The following LIMS2 variants were observed in gnomAD, a reference collection of about 807,000 sequenced individuals.
The protein encoded by LIMS2 is LIM and senescent cell antigen-like-containing domain protein 2.
A neutral mutation model predicts 45.3 loss-of-function variants in LIMS2; 30 were observed. The ratio of observed to expected loss-of-function variants is 0.66; its 90% CI spans 0.50 to 0.90. The LOEUF is 0.90. Ranked by LOEUF, LIMS2 falls within the 40% of genes least tolerant of loss-of-function variation. LIMS2 has a pLI of 0.00. For synonymous variants in LIMS2, 173 were observed against 188.0 expected (o/e 0.92, Z 0.65); for missense variants, 485 against 468.7 (o/e 1.03, Z -0.32).
intron 1 of LIMS2, among the ~76,000 whole-genome samples, chr2:127,665,536 C>T (rs1228903753): frequency 6.6e-6 from 1 of 152,214 alleles, no homozygotes; most frequent in African/African-American, 2.4e-5. Flanking sequence ...TCCAAAGTTG[C>T]CCAACACTGA....
Position 127,668,668 on chromosome 2 carries a change from C to CAAAAAAAAAAAAAAAAAAA in LIMS2, c.11+6327_11+6345dup, listed in dbSNP as rs70985469. Among the ~76,000 whole-genome samples the CAAAAAAAAAAAAAAAAAAA allele has an allele frequency of 1.2e-4, 2 of 17,268 alleles. 1 individual carries two copies. The highest frequency in any genetic ancestry group is 3.6e-4 in the African/African-American group (2 of 5,556). 11.3% of individuals were successfully genotyped at this position (17,268 alleles called of 152,430 possible). On this transcript the variant is annotated intron_variant, in intron 1 of 9. Transcript: ENST00000355119. ...TGGGTGACAGAGTGAGACTCCGTCT[C>CAAAAAAAAAAAAAAAAAAA]AAAAAAAAAAAAAAAAAAAAAAAAA...
At chr2:127,673,101 G>T (rs562919773) in intron 1 of LIMS2, among the ~76,000 whole-genome samples, 38 of 152,348 alleles carry the variant, frequency 2.5e-4, no homozygotes, top group African/African-American at 8.9e-4. Context: ...CCTGTGTATG[G>T]AAGGCAGGGA....
intron 4 of LIMS2, chr2:127,646,677 A>G (rs933067693): frequency 2.0e-5 from 3 of 152,554 alleles, no homozygotes; most frequent in Non-Finnish European, 2.9e-5. Flanking sequence ...ACAGAGGCCT[A>G]TGACCTGTCC....
intron 4 of LIMS2, chr2:127,649,886 G>A: frequency 1.3e-6 from 1 of 775,042 alleles, no homozygotes; most frequent in Non-Finnish European, 2.1e-6. Flanking sequence ...GGTAAAATGG[G>A]TCTTCCCCTC....
At position 127,657,541 on chromosome 2, in the gene LIMS2, G is replaced by A; in HGVS notation, c.33C>T (p.Ala11=). MTGSNMSDAL[A]NAVCQRCQAR... ...CCTGGCAGCGCTGGCACACGGCGTTGGCCAAGGCGTCCGACATATTGCTGG... is the reference window on the plus strand; with the variant it reads ...CCTGGCAGCGCTGGCACACGGCGTTAGCCAAGGCGTCCGACATATTGCTGG... Residue 11 remains alanine, a synonymous_variant, in exon 2 of 10, where the codon GCC becomes GCT. Transcript: ENST00000355119. The A allele has an allele frequency of 1.2e-6, 2 of 1,606,712 alleles. No homozygotes were observed. Among genetic ancestry groups the A allele is most frequent in the Non-Finnish European group, 1.7e-6 (2 of 1,176,388 alleles).
At chr2:127,659,982 C>T (rs866063771) in intron 1 of LIMS2, among the ~76,000 whole-genome samples, 16 of 152,200 alleles carry the variant, frequency 1.1e-4, no homozygotes, top group Non-Finnish European at 4.4e-5. Flanking sequence ...TGCTTCACCA[C>T]CCTTCCTCCC....
rs76475129 is a variant in LIMS2, at chr2:127,638,619, G to A, written c.*662C>T. 2,921 of 152,912 alleles carry A rather than the reference G, an allele frequency of 0.019. 92 individuals carry two copies. Among genetic ancestry groups the A allele is most frequent in the African/African-American group, 0.063 (2,631 of 41,586 alleles). The allele number at this position is 152,912 out of a possible 1,614,324, so 9.5% of individuals were successfully genotyped here. On this transcript the variant is annotated 3_prime_UTR_variant, in exon 10 of 10. Transcript: ENST00000355119. ...GCCCCAAGGTCGGGGGGAGAGGGGCGGGGCGGAACCGAGGGCGGAGGCCAA... is the reference window on the plus strand; with the variant it reads ...GCCCCAAGGTCGGGGGGAGAGGGGCAGGGCGGAACCGAGGGCGGAGGCCAA...
intron 2 of LIMS2, chr2:127,655,566 A>G (rs1005183809): frequency 4.5e-5 from 7 of 155,646 alleles, no homozygotes; most frequent in African/African-American, 1.4e-4. Flanking sequence ...TAAACTGGAT[A>G]TAGCCCTACC....
chr2:127,644,002 A>G (rs1682691259), intron 4 of LIMS2: 1 of 454,904 alleles, frequency 2.2e-6, no homozygotes, highest in African/African-American at 2.0e-5. Flanking sequence ...ATCCCCACCC[A>G]GGTTATGGTG....
intron 1 of LIMS2, chr2:127,674,753 A>T (rs1685428414): frequency 1.1e-5 from 11 of 985,252 alleles, no homozygotes; most frequent in Admixed American, 6.1e-5. Context: ...GGTTGTGAGC[A>T]GACGGCTGTC....
chr2:127,675,634 C>G (rs1237096217), upstream of LIMS2, among the ~76,000 whole-genome samples: 1 of 148,090 alleles, frequency 6.8e-6, no homozygotes, highest in Non-Finnish European at 1.5e-5. Flanking sequence ...CGCCCGGCGC[C>G]CCCTCTGCAG....
chr2:127,644,085 T>G lies in LIMS2; in HGVS notation c.360-1013A>C, dbSNP rs541390516. 8.8e-6 allele frequency: 4 copies of G among 456,516 alleles called. No homozygotes were observed. In the East Asian group the frequency reaches 2.8e-4, roughly 32 times the overall value. 28.3% of individuals were successfully genotyped at this position (456,516 alleles called of 1,614,324 possible). A position where few individuals can be genotyped will look rare whatever the true frequency, so the allele number is the denominator to read the frequency against. On this transcript the variant is annotated intron_variant, in intron 4 of 9. Transcript: ENST00000355119. ...CCCCAGGACCTGCTACTGCTGGGTG[T>G]CTGGACTCCATCCTGCACAGCACTG...
chr2:127,663,508 C>T (rs1056723128), intron 1 of LIMS2, among the ~76,000 whole-genome samples: 1 of 152,200 alleles, frequency 6.6e-6, no homozygotes, highest in Non-Finnish European at 1.5e-5. Flanking sequence ...CTTCCCTGAC[C>T]ACACACAAGG....
chr2:127,674,506 C>T, intron 1 of LIMS2: 1 of 526,374 alleles, frequency 1.9e-6, no homozygotes, highest in Non-Finnish European at 2.4e-6. Context: ...CCCTGCACAG[C>T]TGGTGCTTGG....
At chr2:127,666,821 G>A (rs879263822) in intron 1 of LIMS2, among the ~76,000 whole-genome samples, 1 of 152,144 alleles carries the variant, frequency 6.6e-6, no homozygotes. Context: ...AAAGGGGGAT[G>A]AGCCCCTTAT....
upstream of LIMS2, among the ~76,000 whole-genome samples, chr2:127,679,979 C>T (rs1054147707): frequency 2.0e-5 from 3 of 152,232 alleles, no homozygotes; most frequent in Admixed American, 6.5e-5. The surrounding 1 kb of genome is among the most constrained non-coding windows in gnomAD (Gnocchi z 5.3). Flanking sequence ...GCCACCCAGA[C>T]GGCCACTCTA....
intron 1 of LIMS2, among the ~76,000 whole-genome samples, chr2:127,670,013 C>CA (rs1255994192): frequency 6.6e-6 from 1 of 152,230 alleles, no homozygotes; most frequent in African/African-American, 2.4e-5. Context: ...TTGGAACCTT[C>CA]ATACATTCCT....
chr2:127,647,752 G>C lies in LIMS2; in HGVS notation c.360-4680C>G, dbSNP rs146444396. ...CCTGTGTGCCCCTCCCATCTACCAT[G>C]GGCTGTCCTCTCTGCTTGCCCATGC... On this transcript the variant is annotated intron_variant, in intron 4 of 9. Transcript: ENST00000355119. This position sits in a 1 kb window ranked among gnomAD's most constrained non-coding sequence, Gnocchi z 4.3. 1.7e-3 allele frequency among the ~76,000 whole-genome samples: 252 copies of C among 152,060 alleles called. 3 individuals are homozygous for C. Among genetic ancestry groups the C allele is most frequent in the African/African-American group, 5.7e-3 (238 of 41,458 alleles).
intron 2 of LIMS2, chr2:127,655,608 CTCTT>C: frequency 6.5e-6 from 1 of 152,950 alleles, no homozygotes; most frequent in Non-Finnish European, 1.5e-5. Context: ...AGGGCTTAAA[CTCTT>C]TCAGCAATGA....
Sources: allele counts gnomAD v4.1 joint callset (sites outside exome capture counted in the v4.1 genomes callset), GRCh38; gene constraint gnomAD v4.1.1; non-coding constraint Gnocchi (gnomAD v3.1); transcripts MANE v1.5; gene names NCBI Gene and HGNC (gene_info 2026-07-23, HGNC 2026-07-21).